Variants in ATP5PF observed in about 807,000 individuals in gnomAD.
The protein encoded by ATP5PF is ATP synthase peripheral stalk subunit F6, mitochondrial.
ATP5PF carries 7 observed loss-of-function variants against 12.0 expected under a neutral mutation model. The ratio of observed to expected loss-of-function variants is 0.58; its 90% CI spans 0.33 to 1.10. The LOEUF (loss-of-function observed/expected upper bound fraction) is 1.10, where lower values mean the gene tolerates loss of function less well. ATP5PF is among the 50% of genes least tolerant of loss of function. The pLI, the probability that ATP5PF is intolerant of heterozygous loss-of-function variation, is 0.03. For synonymous variants in ATP5PF, 41 were observed against 45.4 expected, an observed-to-expected ratio of 0.90 and a Z score of 0.39; for missense variants, 120 against 127.7, an observed-to-expected ratio of 0.94 and a Z score of 0.29.
At chr21:25,728,961 T>C (rs536588509) in intron 2 of ATP5PF, among the ~76,000 whole-genome samples, 6 of 152,152 alleles carry the variant, frequency 3.9e-5, no homozygotes, top group Admixed American at 3.9e-4. Flanking sequence ...TGAAAGAAAA[T>C]GGAACTATGA....
chr21:25,725,413 T>A (rs2034591751), intron 2 of ATP5PF, 63 bp from the exon 3 acceptor site: 2 of 1,461,942 alleles, frequency 1.4e-6, no homozygotes, highest in Non-Finnish European at 1.8e-6. Flanking sequence ...ACAAAATTAC[T>A]TTTCACCACC....
chr21:25,729,797 T>C lies in ATP5PF; in HGVS notation c.-3A>G, dbSNP rs1343418699. 6.2e-7 allele frequency: 1 copy of C among 1,611,584 alleles called. No homozygotes were observed. On this transcript the variant is annotated 5_prime_UTR_variant, in exon 2 of 4. Transcript: ENST00000284971. ...CTGAAGAGCCTCTGAAGAATCATGC[T>C]GATTCTGTTACAGAAAACAAGCAGC...
Position 25,724,542 on chromosome 21 carries a change from A to G in ATP5PF, c.*98T>C, listed in dbSNP as rs554635248. The stretch of plus-strand genomic sequence containing the variant: ...TTTATTTGGACTCAGAATTAAAAGA[A>G]CATTTGACAGTTATGAAATGCATGT... On this transcript the variant is annotated 3_prime_UTR_variant, in exon 4 of 4. Coordinates refer to ENST00000284971, the MANE Select transcript of ATP5PF (RefSeq NM_001003703.2). 8.3e-6 allele frequency: 11 copies of G among 1,322,598 alleles called. No homozygotes were observed. The Admixed American group carries it at 1.7e-4, about 20-fold the overall frequency. 81.9% of individuals were successfully genotyped at this position (1,322,598 alleles called of 1,614,324 possible).
rs1309112498 is a variant in ATP5PF, at chr21:25,731,689, C to G, written c.-7-1888G>C. 2.0e-4 allele frequency among the ~76,000 whole-genome samples: 30 copies of G among 152,038 alleles called. No individual in the cohort carries two copies. The East Asian group carries it at 5.6e-3, about 28-fold the overall frequency. ...CTCCCCAAATTTCCTAATAGCAATACTGTCATCATCACATTGACACCGGAC... is the reference window on the plus strand; with the variant it reads ...CTCCCCAAATTTCCTAATAGCAATAGTGTCATCATCACATTGACACCGGAC... On this transcript the variant is annotated intron_variant, in intron 1 of 3. Transcript: ENST00000284971.
intron 1 of ATP5PF, 117 bp from the exon 2 acceptor site, chr21:25,729,918 G>A: frequency 8.5e-7 from 1 of 1,175,266 alleles, no homozygotes; most frequent in Non-Finnish European, 1.2e-6. Flanking sequence ...TCAGATCTCA[G>A]TCTATACCTG....
chr21:25,734,645 G>A (rs934291769), intron 1 of ATP5PF: 6 of 482,954 alleles, frequency 1.2e-5, no homozygotes, highest in African/African-American at 2.0e-5. Context: ...CCTCAGAGAG[G>A]GTATCGATCT....
chr21:25,733,667 G>T (rs906316079), intron 1 of ATP5PF, among the ~76,000 whole-genome samples: 5 of 152,056 alleles, frequency 3.3e-5, no homozygotes, highest in African/African-American at 7.2e-5. Context: ...AGGTTCACCC[G>T]ACATTTGCTT....
intron 3 of ATP5PF, chr21:25,724,920 C>T: frequency 5.1e-6 from 3 of 583,504 alleles, no homozygotes; most frequent in Non-Finnish European, 8.8e-6. Context: ...TAATTCTCCC[C>T]AAATGTCAGA....
chr21:25,724,828 G>T, intron 3 of ATP5PF, 151 bp from the exon 4 acceptor site: 1 of 775,824 alleles, frequency 1.3e-6, no homozygotes, highest in Non-Finnish European at 2.1e-6. Context: ...AAACATTTAT[G>T]CAACACTTTC....
chr21:25,725,117 A>G (rs901619647), intron 3 of ATP5PF, 109 bp downstream of exon 3: 7 of 1,424,516 alleles, frequency 4.9e-6, no homozygotes, highest in Admixed American at 4.7e-5. Context: ...TCATGGTCCT[A>G]ATAAATTCAC....
At chr21:25,725,438 CT>C (rs901670241) in intron 2 of ATP5PF, 88 bp from the exon 3 acceptor site, 114,618 of 944,292 alleles carry the variant, frequency 0.12, no homozygotes, top group Middle Eastern at 0.16. Flanking sequence ...TCCAACAGAT[CT>C]TTTTTTTTTT....
intron 2 of ATP5PF, among the ~76,000 whole-genome samples, chr21:25,729,425 C>A (rs1368547154): frequency 6.6e-6 from 1 of 152,026 alleles, no homozygotes; most frequent in Non-Finnish European, 1.5e-5. Flanking sequence ...AGGATTTTCC[C>A]TTGTAACTCA....
intron 2 of ATP5PF, among the ~76,000 whole-genome samples, chr21:25,728,679 G>A (rs1394506217): frequency 6.6e-6 from 1 of 152,132 alleles, no homozygotes; most frequent in African/African-American, 2.4e-5. Flanking sequence ...ATGATCCACA[G>A]TTGTCCATGA....
At chr21:25,734,505 G>T (rs1319990618) in intron 1 of ATP5PF, 1 of 638,404 alleles carries the variant, frequency 1.6e-6, no homozygotes, top group Non-Finnish European at 2.0e-6. Flanking sequence ...TAGCCTAGAC[G>T]CTCCCGTGCG....
chr21:25,732,802 G>A (rs2034821815), intron 1 of ATP5PF, among the ~76,000 whole-genome samples: 1 of 151,746 alleles, frequency 6.6e-6, no homozygotes, highest in Non-Finnish European at 1.5e-5. Flanking sequence ...TGACCAACAT[G>A]GAGAAACCCC....
intron 2 of ATP5PF, among the ~76,000 whole-genome samples, chr21:25,727,633 C>A (rs1568928868): frequency 6.6e-6 from 1 of 152,062 alleles, no homozygotes; most frequent in East Asian, 1.9e-4. Flanking sequence ...AATGAATGAC[C>A]CACAAACAAG....
intron 1 of ATP5PF, among the ~76,000 whole-genome samples, chr21:25,733,439 A>C (rs1305440545): frequency 6.6e-6 from 1 of 152,166 alleles, no homozygotes; most frequent in Non-Finnish European, 1.5e-5. Flanking sequence ...CTGAGGCAGA[A>C]GGGCGTAAAC....
intron 1 of ATP5PF, among the ~76,000 whole-genome samples, chr21:25,730,792 A>G (rs1341886256): frequency 6.9e-6 from 1 of 144,536 alleles, no homozygotes; most frequent in Non-Finnish European, 1.5e-5. Flanking sequence ...AAGACTTTCA[A>G]ATCCCTAGAC....
At chr21:25,731,166 C>T (rs2034766342) in intron 1 of ATP5PF, among the ~76,000 whole-genome samples, 1 of 152,118 alleles carries the variant, frequency 6.6e-6, no homozygotes, top group Non-Finnish European at 1.5e-5. Context: ...CACTTGAACT[C>T]AGGAGGCGGA....
Sources: allele counts gnomAD v4.1 joint callset (sites outside exome capture counted in the v4.1 genomes callset), GRCh38; gene constraint gnomAD v4.1.1; transcripts MANE v1.5; gene names NCBI Gene and HGNC (gene_info 2026-07-23, HGNC 2026-07-21).